The following METTL25 variants were observed in gnomAD, a reference collection of about 807,000 sequenced individuals.
The protein encoded by METTL25 is methyltransferase like 25.
In METTL25, 64 loss-of-function variants were observed where a neutral mutation model predicts 71.6. That is an observed-to-expected ratio of 0.89 (90% CI 0.73 to 1.10). The LOEUF is 1.10. Among genes scored for constraint, METTL25 ranks in the 50% least tolerant of loss-of-function variants. The pLI, the probability that METTL25 is intolerant of heterozygous loss-of-function variation, is 0.00. For synonymous variants in METTL25, 287 were observed against 250.3 expected (o/e 1.15, Z -1.38); for missense variants, 807 against 707.0 (o/e 1.14, Z -1.60).
In METTL25 at chr12:82,369,052, A is replaced by G. The variant is rs568548255; in HGVS notation, c.259+10228A>G. Among the ~76,000 whole-genome samples, 5 of 152,304 alleles carry G rather than the reference A, an allele frequency of 3.3e-5. No individual in the cohort carries two copies. In the South Asian group the frequency reaches 6.2e-4, roughly 19 times the overall value. The stretch of plus-strand genomic sequence containing the variant: ...TATACTTTAGCCACTTTGTTCTCTG[A>G]ATGTACCATGTGTTTTTTCTCTAAT... On this transcript the variant is annotated intron_variant, in intron 1 of 11. Coordinates refer to ENST00000248306, the MANE Select transcript of METTL25 (RefSeq NM_032230.3).
chr12:82,472,840 A>G (rs1161457374), intron 9 of METTL25, among the ~76,000 whole-genome samples: 1 of 152,126 alleles, frequency 6.6e-6, no homozygotes, highest in Non-Finnish European at 1.5e-5. Context: ...TTCCACTACT[A>G]GAGGATTACT....
chr12:82,380,098 G>T (rs547833268), intron 1 of METTL25, among the ~76,000 whole-genome samples: 16 of 152,222 alleles, frequency 1.1e-4, no homozygotes, highest in African/African-American at 3.9e-4. Flanking sequence ...TGGTTTAAGG[G>T]TTGCCTATTT....
chr12:82,377,625 G>A (rs1421280691), intron 1 of METTL25, among the ~76,000 whole-genome samples: 1 of 152,088 alleles, frequency 6.6e-6, no homozygotes, highest in Non-Finnish European at 1.5e-5. Flanking sequence ...GATTGTTTAG[G>A]AAGTAAAAAA....
intron 8 of METTL25, among the ~76,000 whole-genome samples, chr12:82,445,042 C>T (rs971916979): frequency 2.6e-5 from 4 of 152,004 alleles, no homozygotes; most frequent in Non-Finnish European, 5.9e-5. Flanking sequence ...TTGAGAGAAA[C>T]GACCTAATAG....
At chr12:82,394,786 T>A (rs1342092673) in intron 3 of METTL25, among the ~76,000 whole-genome samples, 1 of 151,996 alleles carries the variant, frequency 6.6e-6, no homozygotes, top group East Asian at 1.9e-4. Context: ...ATTAAAGTTT[T>A]TGATACAGAG....
Position 82,442,939 on chromosome 12 carries a change from A to G in METTL25, c.1478+4148A>G, listed in dbSNP as rs1020888052. Among the ~76,000 whole-genome samples, 24 of 151,952 alleles carry G rather than the reference A, an allele frequency of 1.6e-4. No homozygotes were observed. In the South Asian group the frequency reaches 3.9e-3, roughly 25 times the overall value. On this transcript the variant is annotated intron_variant, in intron 8 of 11. Coordinates refer to ENST00000248306, the MANE Select transcript of METTL25 (RefSeq NM_032230.3). The stretch of plus-strand genomic sequence containing the variant: ...TTATGGATAGTCTTAACAGCACTTT[A>G]GACACAGCTAAAGAAATAATTAATG...
At chr12:82,363,407 G>A (rs1592574058) in intron 1 of METTL25, among the ~76,000 whole-genome samples, 1 of 152,072 alleles carries the variant, frequency 6.6e-6, no homozygotes, top group Admixed American at 6.6e-5. Flanking sequence ...TTTACACTAG[G>A]GAGTCTTTGA....
intron 3 of METTL25, among the ~76,000 whole-genome samples, chr12:82,392,634 A>G (rs1261499622): frequency 1.3e-5 from 2 of 151,992 alleles, no homozygotes; most frequent in African/African-American, 2.4e-5. Flanking sequence ...GCTTGATGTG[A>G]TCCCATTTTT....
At chr12:82,360,980 C>A (rs1270983108) in intron 1 of METTL25, among the ~76,000 whole-genome samples, 1 of 152,084 alleles carries the variant, frequency 6.6e-6, no homozygotes, top group Non-Finnish European at 1.5e-5. Flanking sequence ...GCAGTGTGGA[C>A]CCAAAGAGAG....
intron 5 of METTL25, among the ~76,000 whole-genome samples, chr12:82,408,300 AG>A (rs1887258523): frequency 6.6e-6 from 1 of 152,158 alleles, no homozygotes; most frequent in Non-Finnish European, 1.5e-5. Flanking sequence ...TTCATATGAC[AG>A]GTTAAACTCA....
At chr12:82,452,199 G>A (rs924851533) in intron 8 of METTL25, among the ~76,000 whole-genome samples, 11 of 152,052 alleles carry the variant, frequency 7.2e-5, no homozygotes, top group South Asian at 6.2e-4. Context: ...CTTTTATAGC[G>A]CGTTCTCTTA....
In METTL25 at chr12:82,469,889, G is replaced by A. The variant is rs75691312; in HGVS notation, c.1573-6755G>A. On this transcript the variant is annotated intron_variant, in intron 9 of 11. Transcript: ENST00000248306. ...CATTTCAAGATGTCAATGGTATTGGGTAGAGTGAGTCTCTAGCTCAAAACT... is the reference window on the plus strand; with the variant it reads ...CATTTCAAGATGTCAATGGTATTGGATAGAGTGAGTCTCTAGCTCAAAACT... 2.3e-3 allele frequency among the ~76,000 whole-genome samples: 356 copies of A among 152,208 alleles called. 2 individuals are homozygous for A. Among genetic ancestry groups the A allele is most frequent in the South Asian group, 8.5e-3 (41 of 4,822 alleles).
chr12:82,417,466 G>A (rs1033044958), intron 5 of METTL25, among the ~76,000 whole-genome samples: 6 of 152,094 alleles, frequency 3.9e-5, no homozygotes, highest in African/African-American at 1.4e-4. Context: ...AAAAGTTAAA[G>A]TTTGTTTGGC....
chr12:82,399,262 C>T lies in METTL25; in HGVS notation c.999C>T (p.Asn333=), dbSNP rs1207338990. The T allele has an allele frequency of 3.1e-6, 5 of 1,613,728 alleles. No homozygotes were observed. The highest frequency in any genetic ancestry group is 1.7e-5 in the Admixed American group (1 of 59,970). The change falls in exon 4 of 12, where the codon AAC becomes AAT. Residue 333 remains asparagine, a synonymous_variant. Coordinates refer to ENST00000248306, the MANE Select transcript of METTL25 (RefSeq NM_032230.3). ...VEPTSSQQIP[N]RETSEANKER... The stretch of plus-strand genomic sequence containing the variant: ...CTACTTCTTCACAGCAAATACCCAA[C>T]AGAGAAACATCTGAAGCCAATAAAG...
chr12:82,455,394 AT>A (rs1465585733), intron 8 of METTL25, among the ~76,000 whole-genome samples: 3 of 151,874 alleles, frequency 2.0e-5, no homozygotes, highest in African/African-American at 7.2e-5. Flanking sequence ...ACAAAAATAT[AT>A]TTTCTGCCTT....
chr12:82,380,766 C>G (rs1397632722), intron 1 of METTL25, among the ~76,000 whole-genome samples: 4 of 152,194 alleles, frequency 2.6e-5, no homozygotes, highest in Non-Finnish European at 5.9e-5. Flanking sequence ...ATCTTGCTTA[C>G]TATACCAGAT....
intron 1 of METTL25, among the ~76,000 whole-genome samples, chr12:82,375,645 T>C (rs746026092): frequency 6.6e-6 from 1 of 152,232 alleles, no homozygotes; most frequent in African/African-American, 2.4e-5. Context: ...CTGTCACTAC[T>C]CTGGGCAGTA....
chr12:82,462,396 G>A (rs1465276095), intron 9 of METTL25, among the ~76,000 whole-genome samples: 3 of 151,922 alleles, frequency 2.0e-5, no homozygotes, highest in Non-Finnish European at 4.4e-5. Flanking sequence ...GGAATCCTCT[G>A]TACTATGTTT....
rs528199138 is a variant in METTL25 at position 82,430,922 on chromosome 12, A to G, written c.1309A>G (p.Met437Val). The change falls in exon 6 of 12, where the codon ATG becomes GTG. Residue 437 changes from methionine to valine, a missense_variant. Met to Val is a conservative substitution (Grantham distance 21). Coordinates refer to ENST00000248306, the MANE Select transcript of METTL25 (RefSeq NM_032230.3). ...TACTCAGGAAAAGTGGGGATTTCCA[A>G]TGTGCCACTATTTAAAGGAAGAGAG... ...ERTQEKWGFP[M>V]CHYLKEERWC... The G allele has an allele frequency of 2.0e-5, 32 of 1,600,554 alleles. No homozygotes were observed. The highest frequency in any genetic ancestry group is 8.5e-5 in the Admixed American group (5 of 58,720).
Sources: allele counts gnomAD v4.1 joint callset (sites outside exome capture counted in the v4.1 genomes callset), GRCh38; gene constraint gnomAD v4.1.1; transcripts MANE v1.5; gene names NCBI Gene and HGNC (gene_info 2026-07-23, HGNC 2026-07-21).